Variants in CTNND2 observed in about 807,000 individuals in gnomAD.
CTNND2 encodes the protein catenin delta-2.
CTNND2 carries 22 observed loss-of-function variants against 144.4 expected under a neutral mutation model. That is an observed-to-expected ratio of 0.15 (90% CI 0.11 to 0.22). The LOEUF (loss-of-function observed/expected upper bound fraction) is 0.22. CTNND2 is among the 10% of genes least tolerant of loss of function. The pLI, the probability that CTNND2 is intolerant of heterozygous loss-of-function variation, is 1.00. For missense variants in CTNND2, 1,353 were observed against 1,618.8 expected, an observed-to-expected ratio of 0.84 and a Z score of 2.82; for synonymous variants, 751 against 695.6, an observed-to-expected ratio of 1.08 and a Z score of -1.25.
chr5:11,518,049 A>C (rs1274911563), intron 3 of CTNND2, among the ~76,000 whole-genome samples: 1 of 152,124 alleles, frequency 6.6e-6, no homozygotes, highest in East Asian at 1.9e-4. Flanking sequence ...GATGTTGCCA[A>C]AGGGCACAAA....
chr5:11,783,526 C>T (rs1448517166), intron 1 of CTNND2, among the ~76,000 whole-genome samples: 2 of 152,134 alleles, frequency 1.3e-5, no homozygotes, highest in African/African-American at 4.8e-5. Context: ...AAGCCACATT[C>T]TCCAATGTCC....
intron 3 of CTNND2, among the ~76,000 whole-genome samples, chr5:11,467,106 C>G (rs756398092): frequency 2.6e-5 from 4 of 152,252 alleles, no homozygotes; most frequent in Non-Finnish European, 5.9e-5. Context: ...AGCCAGTGCA[C>G]CAGGCTGGTG....
At chr5:11,861,826 T>G (rs1795517508) in intron 1 of CTNND2, among the ~76,000 whole-genome samples, 1 of 152,206 alleles carries the variant, frequency 6.6e-6, no homozygotes, top group Non-Finnish European at 1.5e-5. Flanking sequence ...CAGCCATGAT[T>G]GGACTCCTTG....
chr5:11,634,799 T>G (rs545659271), intron 2 of CTNND2, among the ~76,000 whole-genome samples: 1 of 152,140 alleles, frequency 6.6e-6, no homozygotes, highest in Non-Finnish European at 1.5e-5. Flanking sequence ...GAAAACATGA[T>G]GCTAGAAAAT....
rs1738066722 is a variant in CTNND2, at chr5:11,903,400, G to A, written c.37+417C>T. 9.7e-7 allele frequency: 1 copy of A among 1,026,856 alleles called. No individual in the cohort carries two copies. The highest frequency in any genetic ancestry group is 1.7e-5 in the African/African-American group (1 of 58,578). 63.6% of individuals were successfully genotyped at this position (1,026,856 alleles called of 1,614,324 possible). A position where few individuals can be genotyped will look rare whatever the true frequency, so the allele number is the denominator to read the frequency against. On this transcript the variant is annotated intron_variant, in intron 1 of 21. Coordinates refer to ENST00000304623, the MANE Select transcript of CTNND2 (RefSeq NM_001332.4). The surrounding 1 kb of genome is among the most constrained non-coding windows in gnomAD (Gnocchi z 5.4). ...AACATCGTAATGACATTGAACATAA[G>A]GGCAAAAGACTGGAGGGAAGTCCTC...
chr5:11,552,692 T>C (rs1270760650), intron 3 of CTNND2, among the ~76,000 whole-genome samples: 1 of 152,194 alleles, frequency 6.6e-6, no homozygotes, highest in East Asian at 1.9e-4. Flanking sequence ...CTTTCTGCTA[T>C]ACCCCCCTTC....
intron 9 of CTNND2, among the ~76,000 whole-genome samples, chr5:11,314,556 G>A (rs1357060593): frequency 6.6e-6 from 1 of 152,114 alleles, no homozygotes; most frequent in East Asian, 1.9e-4. Context: ...TGTAGAGATG[G>A]GGGTCTCTCT....
chr5:11,879,175 G>A (rs1225990605), intron 1 of CTNND2, among the ~76,000 whole-genome samples: 2 of 151,868 alleles, frequency 1.3e-5, no homozygotes, highest in Non-Finnish European at 2.9e-5. Context: ...GAAAGGAGAG[G>A]AAGGTGGAGG....
At chr5:11,240,858 C>T (rs1319247405) in intron 9 of CTNND2, among the ~76,000 whole-genome samples, 3 of 143,192 alleles carry the variant, frequency 2.1e-5, no homozygotes, top group Non-Finnish European at 4.6e-5. Context: ...CCAACACATA[C>T]ACTCAGCACA....
intron 3 of CTNND2, among the ~76,000 whole-genome samples, chr5:11,456,230 G>T (rs191333752): frequency 3.5e-3 from 526 of 152,102 alleles, no homozygotes; most frequent in African/African-American, 0.012. Flanking sequence ...AGGGAAGAAG[G>T]GTTGTGTTTG....
At chr5:11,683,031 A>T (rs1166405364) in intron 2 of CTNND2, among the ~76,000 whole-genome samples, 1 of 152,244 alleles carries the variant, frequency 6.6e-6, no homozygotes, top group Non-Finnish European at 1.5e-5. Context: ...CACATTTTCT[A>T]CATCACTTAT....
At chr5:11,359,799 G>A (rs1337064174) in intron 8 of CTNND2, among the ~76,000 whole-genome samples, 1 of 152,184 alleles carries the variant, frequency 6.6e-6, no homozygotes, top group East Asian at 1.9e-4. Context: ...TAGGTCTGGG[G>A]CAGGAGGATG....
intron 1 of CTNND2, among the ~76,000 whole-genome samples, chr5:11,785,286 T>C (rs576750059): frequency 6.6e-6 from 1 of 152,282 alleles, no homozygotes; most frequent in South Asian, 2.1e-4. Flanking sequence ...TCACAAGTTA[T>C]TTTGCAAGCC....
chr5:11,513,473 A>G (rs1771847661), intron 3 of CTNND2, among the ~76,000 whole-genome samples: 1 of 152,138 alleles, frequency 6.6e-6, no homozygotes, highest in Non-Finnish European at 1.5e-5. Context: ...ATTAGCATTT[A>G]CTTCTATTCT....
At chr5:11,585,478 CTATGTA>C (rs1561590747) in intron 2 of CTNND2, among the ~76,000 whole-genome samples, 178 of 88,818 alleles carry the variant, frequency 2.0e-3, no homozygotes, top group African/African-American at 2.5e-3. Context: ...TATATTTTAT[CTATGTA>C]TATCTATCTA....
At chr5:11,837,199 C>G (rs1794231675) in intron 1 of CTNND2, among the ~76,000 whole-genome samples, 1 of 152,110 alleles carries the variant, frequency 6.6e-6, no homozygotes, top group Non-Finnish European at 1.5e-5. Flanking sequence ...CCAATATTTA[C>G]TGGACATCTA....
At chr5:11,723,405 C>T (rs1402949018) in intron 2 of CTNND2, among the ~76,000 whole-genome samples, 1 of 152,066 alleles carries the variant, frequency 6.6e-6, no homozygotes, top group African/African-American at 2.4e-5. Context: ...GCCTAGGATT[C>T]ATCAGTCAAT....
chr5:11,653,578 G>T (rs1782758642), intron 2 of CTNND2, among the ~76,000 whole-genome samples: 1 of 151,872 alleles, frequency 6.6e-6, no homozygotes, highest in African/African-American at 2.4e-5. Flanking sequence ...TTTTAAATTG[G>T]GTTATGTGTG....
chr5:11,296,093 TA>T (rs1561171465), intron 9 of CTNND2, among the ~76,000 whole-genome samples: 1 of 65,414 alleles, frequency 1.5e-5, no homozygotes, highest in Non-Finnish European at 3.5e-5. Flanking sequence ...ATCTGACAAG[TA>T]CTAATATCCA....
Sources: gnomAD v4.1 joint callset for allele counts (sites outside exome capture counted in the v4.1 genomes callset) on GRCh38, gnomAD v4.1.1 for gene constraint, Gnocchi (gnomAD v3.1) non-coding constraint, MANE v1.5 for transcripts, NCBI Gene and HGNC (gene_info 2026-07-23, HGNC 2026-07-21) for gene names.